UPP2: variants seen among roughly 807,000 people sequenced by gnomAD.
The protein encoded by UPP2 is UPase 2.
Under a neutral mutation model 26.7 loss-of-function variants are expected in UPP2, and 23 were observed. That is an observed-to-expected ratio of 0.86 (90% CI 0.62 to 1.22). The LOEUF is 1.22. Ranked by LOEUF, UPP2 falls within the 50% of genes most tolerant of loss-of-function variation. The pLI is 0.00. For synonymous variants in UPP2, 127 were observed against 141.3 expected (o/e 0.90, Z 0.72); for missense variants, 387 against 396.7 (o/e 0.98, Z 0.21).
At chr2:158,118,515 G>A (rs1030942577) in intron 4 of UPP2, among the ~76,000 whole-genome samples, 7 of 151,866 alleles carry the variant, frequency 4.6e-5, no homozygotes, top group Non-Finnish European at 7.4e-5. Flanking sequence ...TTCTTCTTAG[G>A]CCTGTCAGTC....
At chr2:158,078,528 C>T (rs1682667322) in intron 3 of UPP2, among the ~76,000 whole-genome samples, 1 of 152,036 alleles carries the variant, frequency 6.6e-6, no homozygotes, top group African/African-American at 2.4e-5. Context: ...ATAAGCCAGG[C>T]ACAGAAAGAC....
Position 157,998,798 on chromosome 2 carries a change from G to A in UPP2, c.61+3539G>A, listed in dbSNP as rs116577784. On this transcript the variant is annotated intron_variant, in intron 2 of 9. Transcript: ENST00000605860. Reference sequence around the variant, plus strand: ...CTGGGTAACAGAGCAAGACTCTGTCGCAAAAATAAAATAAAATAAAATAAA... The same window carrying A: ...CTGGGTAACAGAGCAAGACTCTGTCACAAAAATAAAATAAAATAAAATAAA... 2.6e-3 allele frequency among the ~76,000 whole-genome samples: 394 copies of A among 151,984 alleles called. 3 individuals carry two copies. Among genetic ancestry groups the A allele is most frequent in the African/African-American group, 8.9e-3 (370 of 41,466 alleles).
At chr2:158,079,658 T>A (rs969565695) in intron 3 of UPP2, among the ~76,000 whole-genome samples, 1 of 152,022 alleles carries the variant, frequency 6.6e-6, no homozygotes, top group Admixed American at 6.6e-5. Flanking sequence ...CTTACATACA[T>A]TTTTTTCAAA....
At chr2:158,092,562 T>C (rs1463450175) in intron 3 of UPP2, among the ~76,000 whole-genome samples, 1 of 152,180 alleles carries the variant, frequency 6.6e-6, no homozygotes, top group Non-Finnish European at 1.5e-5. Flanking sequence ...TGAAGAACTA[T>C]TATATAATGT....
chr2:158,096,290 C>A (rs1682983821), intron 3 of UPP2, among the ~76,000 whole-genome samples: 1 of 152,154 alleles, frequency 6.6e-6, no homozygotes, highest in South Asian at 2.1e-4. Context: ...AGAACAAAGA[C>A]CATTATTAAA....
upstream of UPP2, among the ~76,000 whole-genome samples, chr2:158,098,110 G>C (rs1295014123): frequency 6.6e-6 from 1 of 152,146 alleles, no homozygotes; most frequent in African/African-American, 2.4e-5. Context: ...CTAGAAACCA[G>C]AGAGAACTCA....
At chr2:158,094,551 T>G (rs2105204961) in intron 3 of UPP2, among the ~76,000 whole-genome samples, 1 of 152,224 alleles carries the variant, frequency 6.6e-6, no homozygotes, top group South Asian at 2.1e-4. Context: ...ACAACCAAGG[T>G]TTTCTACTTC....
intron 4 of UPP2, 149 bp from the exon 5 acceptor site, chr2:158,121,260 A>T: frequency 2.8e-6 from 2 of 720,656 alleles, no homozygotes; most frequent in Non-Finnish European, 4.8e-6. Context: ...AATGTTATTT[A>T]ATTGCATTTG....
chr2:158,073,729 T>C (rs1574275888), intron 3 of UPP2, among the ~76,000 whole-genome samples: 1 of 152,024 alleles, frequency 6.6e-6, no homozygotes, highest in Non-Finnish European at 1.5e-5. Flanking sequence ...CTAGAACATA[T>C]CCAATGAAAA....
intron 3 of UPP2, among the ~76,000 whole-genome samples, chr2:158,024,511 G>A (rs549256422): frequency 1.1e-4 from 16 of 152,292 alleles, no homozygotes; most frequent in South Asian, 1.0e-3. Context: ...GGCCACCTTC[G>A]GCGTCAATTT....
chr2:158,008,631 C>T (rs1425551338), intron 2 of UPP2, among the ~76,000 whole-genome samples: 2 of 152,114 alleles, frequency 1.3e-5, no homozygotes, highest in Admixed American at 6.5e-5. Flanking sequence ...CTATTATTTC[C>T]AGGCCAATCA....
intron 6 of UPP2, among the ~76,000 whole-genome samples, chr2:158,131,437 T>C (rs1683818183): frequency 6.6e-6 from 1 of 152,146 alleles, no homozygotes; most frequent in Non-Finnish European, 1.5e-5. Flanking sequence ...TCAGGGGCCC[T>C]GGGACCCCTG....
chr2:158,003,243 G>A (rs531733766), intron 2 of UPP2, among the ~76,000 whole-genome samples: 1 of 152,278 alleles, frequency 6.6e-6, no homozygotes, highest in East Asian at 1.9e-4. Context: ...GGTCTTGGAG[G>A]TTGTAGGGGG....
At chr2:158,038,533 G>A (rs1684037405) in intron 3 of UPP2, among the ~76,000 whole-genome samples, 1 of 152,224 alleles carries the variant, frequency 6.6e-6, no homozygotes, top group South Asian at 2.1e-4. Context: ...ACAGTAGACA[G>A]ACAGCTAATA....
chr2:158,098,823 C>T (rs556967643), upstream of UPP2, among the ~76,000 whole-genome samples: 1 of 152,108 alleles, frequency 6.6e-6, no homozygotes, highest in Non-Finnish European at 1.5e-5. Flanking sequence ...CAGGAGGGTG[C>T]GTATACTGAG....
chr2:158,081,678 A>T (rs1682729877), intron 3 of UPP2, among the ~76,000 whole-genome samples: 2 of 152,138 alleles, frequency 1.3e-5, no homozygotes, highest in African/African-American at 4.8e-5. Context: ...CGTGGATGGA[A>T]CTGGAGCACA....
At chr2:158,101,612 T>G (rs1435025646), upstream of UPP2, among the ~76,000 whole-genome samples, 1 of 152,220 alleles carries the variant, frequency 6.6e-6, no homozygotes, top group Non-Finnish European at 1.5e-5. Context: ...GAAGACCTGG[T>G]AGGTGTGTTA....
chr2:158,057,731 C>A (rs1682269524), intron 3 of UPP2, among the ~76,000 whole-genome samples: 1 of 145,342 alleles, frequency 6.9e-6, no homozygotes, highest in Non-Finnish European at 1.5e-5. Context: ...ACAGTTGATT[C>A]AGATTCTTTT....
intron 5 of UPP2, 42 bp downstream of exon 5, chr2:158,121,660 C>T (rs1272901829): frequency 6.5e-7 from 1 of 1,544,352 alleles, no homozygotes; most frequent in Admixed American, 1.7e-5. Context: ...AGAAAAATGC[C>T]AGCAACTCTT....
Sources: allele counts gnomAD v4.1 joint callset (sites outside exome capture counted in the v4.1 genomes callset), GRCh38; gene constraint gnomAD v4.1.1; transcripts MANE v1.5; gene names NCBI Gene and HGNC (gene_info 2026-07-23, HGNC 2026-07-21).